Variants in PRKCD observed in about 807,000 individuals in gnomAD.
The protein encoded by PRKCD is protein kinase C delta type.
In PRKCD, 20 loss-of-function variants were observed where a neutral mutation model predicts 82.2. The ratio of observed to expected loss-of-function variants is 0.24; its 90% CI spans 0.17 to 0.35. PRKCD has a LOEUF of 0.35. Among genes scored for constraint, PRKCD ranks in the 10% least tolerant of loss-of-function variants. PRKCD has a pLI of 1.00. For synonymous variants in PRKCD, 317 were observed against 337.0 expected (o/e 0.94, Z 0.65); for missense variants, 607 against 899.0 (o/e 0.68, Z 4.15).
chr3:53,164,031 C>T lies in PRKCD; in HGVS notation c.-131-1073C>T, dbSNP rs72967447. Among the ~76,000 whole-genome samples, 1,494 of 152,282 alleles carry T rather than the reference C, an allele frequency of 9.8e-3. 33 individuals carry two copies. The highest frequency in any genetic ancestry group is 0.034 in the African/African-American group (1,426 of 41,544). ...AGACAAAAAGATAAAGCCAAGGATG[C>T]CTCTGCCCCCAGGGAATGGTGATGG... On this transcript the variant is annotated intron_variant, in intron 1 of 18. Coordinates refer to ENST00000330452, the MANE Select transcript of PRKCD (RefSeq NM_006254.4).
chr3:53,189,401 C>T (rs1703841791), intron 17 of PRKCD, among the ~76,000 whole-genome samples, 155 bp downstream of exon 17: 1 of 152,138 alleles, frequency 6.6e-6, no homozygotes, highest in Non-Finnish European at 1.5e-5. Context: ...TCACCATGTT[C>T]CCAGGAACTC....
At chr3:53,188,609 T>C in intron 15 of PRKCD, 111 bp from the exon 16 acceptor site, 5 of 1,381,098 alleles carry the variant, frequency 3.6e-6, no homozygotes, top group Non-Finnish European at 4.0e-6. Context: ...CATTCCCTTG[T>C]ACCCTTGGGG....
rs146302697 is a variant in PRKCD at position 53,189,910 on chromosome 3, C to T, written c.1781C>T (p.Thr594Ile). ...EREPTKRLGV[T>I]GNIKIHPFFK... Reference sequence around the variant, plus strand: ...GAACCAACCAAGAGGCTGGGAGTGACCGGAAACATCAAAATCCACCCCTTC... The same window carrying T: ...GAACCAACCAAGAGGCTGGGAGTGATCGGAAACATCAAAATCCACCCCTTC... Residue 594 changes from threonine (T) to isoleucine (I), a missense_variant, in exon 18 of 19, where the codon ACC becomes ATC. Transcript: ENST00000330452. 4.2e-5 allele frequency: 67 copies of T among 1,614,022 alleles called. No homozygotes were observed. In the African/African-American group the frequency reaches 7.3e-4, roughly 18 times the overall value.
intron 12 of PRKCD, 60 bp from the exon 13 acceptor site, chr3:53,186,107 G>A: frequency 1.2e-6 from 2 of 1,607,506 alleles, no homozygotes; most frequent in East Asian, 4.5e-5. Context: ...GGGAGTCTGT[G>A]AATCGGGCTG....
At chr3:53,174,404 C>T (rs1296334492) in intron 2 of PRKCD, among the ~76,000 whole-genome samples, 1 of 152,200 alleles carries the variant, frequency 6.6e-6, no homozygotes, top group Non-Finnish European at 1.5e-5. Context: ...GGTCGAGCCC[C>T]CGGCACCCCC....
rs1396624059 is a variant in PRKCD, at chr3:53,169,876, C to T, written c.-20+4661C>T. On this transcript the variant is annotated intron_variant, in intron 2 of 18. Transcript: ENST00000330452. This position sits in a 1 kb window ranked among gnomAD's most constrained non-coding sequence, Gnocchi z 4.7. ...CACCAGAGCACTTGGGCCAAGATCG[C>T]GGAGCACCCAGGCAGCAGATCTGAG... Among the ~76,000 whole-genome samples, 6 of 152,336 alleles carry T rather than the reference C, an allele frequency of 3.9e-5. No individual in the cohort carries two copies. The highest frequency in any genetic ancestry group is 5.9e-5 in the Non-Finnish European group (4 of 68,032).
chr3:53,161,588 C>G (rs1702661637), intron 1 of PRKCD, 160 bp downstream of exon 1: 1 of 151,956 alleles, frequency 6.6e-6, no homozygotes, highest in Non-Finnish European at 1.5e-5. Flanking sequence ...GACTCCGTCC[C>G]CCTGTCCGTC....
At chr3:53,180,719 G>A (rs574264668) in intron 4 of PRKCD, among the ~76,000 whole-genome samples, 2 of 152,186 alleles carry the variant, frequency 1.3e-5, no homozygotes, top group South Asian at 4.1e-4. Context: ...TCTAGGTCTT[G>A]GGGGAGGTGA....
intron 2 of PRKCD, among the ~76,000 whole-genome samples, chr3:53,175,894 G>A (rs1703197112): frequency 6.6e-6 from 1 of 152,222 alleles, no homozygotes; most frequent in Admixed American, 6.5e-5. Context: ...TGTCCATCTT[G>A]CTTACGGGTT....
At chr3:53,167,076 G>A (rs1233034205) in intron 2 of PRKCD, among the ~76,000 whole-genome samples, 4 of 152,240 alleles carry the variant, frequency 2.6e-5, no homozygotes, top group Non-Finnish European at 4.4e-5. Flanking sequence ...GGCAGGGGCT[G>A]TCTGTTCACT....
intron 1 of PRKCD, among the ~76,000 whole-genome samples, chr3:53,162,575 CT>C: frequency 6.6e-6 from 1 of 152,216 alleles, no homozygotes; most frequent in South Asian, 2.1e-4. Flanking sequence ...CATGTGTGTC[CT>C]TTTTCGCATG....
chr3:53,186,152 G>A lies in PRKCD; in HGVS notation c.1087-15G>A, dbSNP rs370979088. On this transcript the variant is annotated splice_polypyrimidine_tract_variant and intron_variant, in intron 12 of 18. Transcript: ENST00000330452. The stretch of plus-strand genomic sequence containing the variant: ...CCCCGTCCTCACCTGCTCAGCACCC[G>A]TGTCTCCCCATCAGGTGCTGCTTGG... 8.7e-6 allele frequency: 14 copies of A among 1,612,256 alleles called. No homozygotes were observed. The highest frequency in any genetic ancestry group is 6.7e-5 in the African/African-American group (5 of 74,852).
At chr3:53,180,243 C>T (rs1262782529) in intron 4 of PRKCD, among the ~76,000 whole-genome samples, 1 of 152,222 alleles carries the variant, frequency 6.6e-6, no homozygotes, top group Non-Finnish European at 1.5e-5. Flanking sequence ...ACCAGGCCAC[C>T]AGGCCTCCTT....
In PRKCD at chr3:53,179,786, G is replaced by A. The variant is rs782548097; in HGVS notation, c.315+10G>A. On this transcript the variant is annotated intron_variant, in intron 4 of 18. Coordinates refer to ENST00000330452, the MANE Select transcript of PRKCD (RefSeq NM_006254.4). ...CAAGGCTGAGTTCTGGGTAAGGGGC[G>A]CACGAGCCGTGCCGTGTGTGTGTGT... 5.5e-5 allele frequency: 85 copies of A among 1,551,872 alleles called. No individual in the cohort carries two copies. Among genetic ancestry groups the A allele is most frequent in the Middle Eastern group, 1.8e-4 (1 of 5,480 alleles).
At chr3:53,190,532 C>T (rs934749893) in intron 18 of PRKCD, among the ~76,000 whole-genome samples, 1 of 152,072 alleles carries the variant, frequency 6.6e-6, no homozygotes, top group African/African-American at 2.4e-5. Flanking sequence ...CTGAGAGGCC[C>T]CGTTGGAAGA....
intron 12 of PRKCD, 25 bp downstream of exon 12, chr3:53,186,052 G>A (rs782816310): frequency 6.2e-7 from 1 of 1,613,322 alleles, no homozygotes; most frequent in Non-Finnish European, 8.5e-7. Context: ...CCGGGCACCT[G>A]CTTCCCACCC....
intron 1 of PRKCD, among the ~76,000 whole-genome samples, chr3:53,163,456 T>A (rs781953834): frequency 1.3e-5 from 2 of 151,778 alleles, no homozygotes; most frequent in Non-Finnish European, 1.5e-5. Flanking sequence ...GTCTTGGGGT[T>A]TGTAGTGTTG....
chr3:53,184,975 G>A lies in PRKCD; in HGVS notation c.888+1G>A. On this transcript the variant is annotated splice_donor_variant, in intron 10 of 18. Transcript: ENST00000330452. LOFTEE classifies it high-confidence loss of function. ...TGAGGCCTTGAACCAAGTCACCCAGGTGGGCAGGTGCCATGGGGACCCTGG... is the reference window on the plus strand; with the variant it reads ...TGAGGCCTTGAACCAAGTCACCCAGATGGGCAGGTGCCATGGGGACCCTGG... 1 of 1,613,854 alleles carries A rather than the reference G, an allele frequency of 6.2e-7. No homozygotes were observed. Among genetic ancestry groups the A allele is most frequent in the Non-Finnish European group, 8.5e-7 (1 of 1,179,800 alleles).
chr3:53,168,442 C>A (rs1200474068), intron 2 of PRKCD, among the ~76,000 whole-genome samples: 1 of 151,962 alleles, frequency 6.6e-6, no homozygotes, highest in Admixed American at 6.5e-5. Context: ...GGCTGGAGAG[C>A]GAAAGGTGGA....
Sources: gnomAD v4.1 joint callset for allele counts (sites outside exome capture counted in the v4.1 genomes callset) on GRCh38, gnomAD v4.1.1 for gene constraint, Gnocchi (gnomAD v3.1) non-coding constraint, MANE v1.5 for transcripts, NCBI Gene and HGNC (gene_info 2026-07-23, HGNC 2026-07-21) for gene names.